The following SHC3 variants were observed in gnomAD, a reference collection of about 807,000 sequenced individuals.
The protein encoded by SHC3 is SHC adaptor protein 3, also known as SHC-transforming protein 3.
Under a neutral mutation model 60.4 loss-of-function variants are expected in SHC3, and 15 were observed. The ratio of observed to expected loss-of-function variants is 0.25; its 90% CI spans 0.17 to 0.38. The LOEUF is 0.38. SHC3 is among the 10% of genes least tolerant of loss of function. The pLI is 1.00. For synonymous variants in SHC3, 294 were observed against 325.9 expected, an observed-to-expected ratio of 0.90 and a Z score of 1.05; for missense variants, 677 against 786.1, an observed-to-expected ratio of 0.86 and a Z score of 1.66.
intron 6 of SHC3, among the ~76,000 whole-genome samples, chr9:89,062,603 AC>A (rs1399506926): frequency 6.6e-6 from 1 of 152,166 alleles, no homozygotes; most frequent in African/African-American, 2.4e-5. Context: ...AGGGACTTGA[AC>A]CCGTAACTGT....
chr9:89,112,497 T>C (rs766811933), intron 2 of SHC3, 59 bp downstream of exon 2: 6 of 1,570,762 alleles, frequency 3.8e-6, no homozygotes, highest in Non-Finnish European at 5.2e-6. Flanking sequence ...CAGCTGTTAA[T>C]CTCTGAGATC....
chr9:89,107,471 G>C (rs1264846082), intron 2 of SHC3, among the ~76,000 whole-genome samples: 1 of 152,228 alleles, frequency 6.6e-6, no homozygotes, highest in Admixed American at 6.5e-5. Flanking sequence ...TAGTGCAGAA[G>C]TGAAGTGGAG....
intron 2 of SHC3, among the ~76,000 whole-genome samples, chr9:89,098,423 A>C (rs1825735771): frequency 6.6e-6 from 1 of 152,220 alleles, no homozygotes; most frequent in Non-Finnish European, 1.5e-5. Context: ...TGCTGTGAGT[A>C]TGTAGGAAAA....
At chr9:89,075,063 C>T (rs909585361) in intron 4 of SHC3, 46 bp downstream of exon 4, 2 of 1,599,634 alleles carry the variant, frequency 1.3e-6, no homozygotes, top group Middle Eastern at 1.7e-4. Flanking sequence ...AAACACTCAT[C>T]ACCTGGGGCT....
At chr9:89,025,247 C>A (rs1375414322) in intron 11 of SHC3, among the ~76,000 whole-genome samples, 1 of 152,104 alleles carries the variant, frequency 6.6e-6, no homozygotes, top group East Asian at 1.9e-4. Context: ...CACACAGGGG[C>A]TGACCTTTGC....
intron 1 of SHC3, among the ~76,000 whole-genome samples, chr9:89,127,414 A>G (rs1156409939): frequency 6.6e-6 from 1 of 152,128 alleles, no homozygotes; most frequent in Non-Finnish European, 1.5e-5. Context: ...AGCTTAATTT[A>G]AAGTGGATAT....
intron 1 of SHC3, among the ~76,000 whole-genome samples, chr9:89,125,307 A>G (rs937195023): frequency 6.6e-6 from 1 of 152,096 alleles, no homozygotes; most frequent in Non-Finnish European, 1.5e-5. Context: ...TGTTGTGTTC[A>G]GGACAGATAA....
intron 1 of SHC3, among the ~76,000 whole-genome samples, chr9:89,124,737 A>G (rs932654370): frequency 3.9e-5 from 6 of 152,130 alleles, no homozygotes; most frequent in Non-Finnish European, 7.4e-5. Context: ...CCTAATGCAC[A>G]CGGGGCTTAA....
intron 5 of SHC3, among the ~76,000 whole-genome samples, chr9:89,069,192 C>T (rs1825231110): frequency 6.6e-6 from 1 of 152,084 alleles, no homozygotes; most frequent in South Asian, 2.1e-4. Flanking sequence ...GCCTGTAGTC[C>T]CAGCTACCCA....
chr9:89,049,245 A>G (rs1474157991), intron 7 of SHC3, among the ~76,000 whole-genome samples: 2 of 152,078 alleles, frequency 1.3e-5, no homozygotes, highest in East Asian at 3.9e-4. Flanking sequence ...TGAGTGACAG[A>G]GCCAGACTCC....
chr9:89,083,745 A>T (rs971710868), intron 2 of SHC3, among the ~76,000 whole-genome samples: 9 of 152,166 alleles, frequency 5.9e-5, no homozygotes, highest in African/African-American at 1.2e-4. Context: ...TCACTCTTTC[A>T]TCTTGGGGAC....
intron 6 of SHC3, among the ~76,000 whole-genome samples, chr9:89,053,890 G>A (rs1824902858): frequency 6.6e-6 from 1 of 152,188 alleles, no homozygotes; most frequent in African/African-American, 2.4e-5. Flanking sequence ...GGGAAAGCCA[G>A]TGAGACACCT....
intron 1 of SHC3, among the ~76,000 whole-genome samples, chr9:89,126,064 T>C (rs1826160058): frequency 6.6e-6 from 1 of 152,164 alleles, no homozygotes. Context: ...TCAGGCAACA[T>C]CTTTCCTGCG....
At chr9:89,133,720 T>C (rs151244459) in intron 1 of SHC3, among the ~76,000 whole-genome samples, 366 of 152,094 alleles carry the variant, frequency 2.4e-3, no homozygotes, top group African/African-American at 8.0e-3. Context: ...ATGAGAACAC[T>C]TGGACACAGG....
chr9:89,067,939 A>G (rs1001192193), intron 5 of SHC3, among the ~76,000 whole-genome samples: 6 of 152,234 alleles, frequency 3.9e-5, no homozygotes, highest in Non-Finnish European at 7.3e-5. Flanking sequence ...AGCATTAGTA[A>G]TGAATACAAG....
chr9:89,025,187 G>T (rs1455721049), intron 11 of SHC3, among the ~76,000 whole-genome samples: 1 of 103,456 alleles, frequency 9.7e-6, no homozygotes, highest in Non-Finnish European at 1.9e-5. Context: ...AGTTATCCTG[G>T]AACAGGTCAC....
intron 2 of SHC3, among the ~76,000 whole-genome samples, chr9:89,098,474 T>C (rs1026252146): frequency 5.3e-5 from 8 of 152,212 alleles, no homozygotes; most frequent in Admixed American, 2.0e-4. Flanking sequence ...CTAGTTAGTG[T>C]TGAAGAGGTA....
chr9:89,090,027 C>A (rs906591944), intron 2 of SHC3, among the ~76,000 whole-genome samples: 2 of 152,210 alleles, frequency 1.3e-5, no homozygotes, highest in African/African-American at 4.8e-5. Flanking sequence ...AGCAAACACA[C>A]GGAGCCCTGA....
chr9:89,135,331 GT>G (rs1826302664), intron 1 of SHC3, among the ~76,000 whole-genome samples: 1 of 151,936 alleles, frequency 6.6e-6, no homozygotes, highest in Admixed American at 6.6e-5. Flanking sequence ...GAAGCCCCAA[GT>G]TTTCTTCAGA....
Sources: gnomAD v4.1 joint callset for allele counts (sites outside exome capture counted in the v4.1 genomes callset) on GRCh38, gnomAD v4.1.1 for gene constraint, MANE v1.5 for transcripts, NCBI Gene and HGNC (gene_info 2026-07-23, HGNC 2026-07-21) for gene names.